The following ABCA13 variants were observed in gnomAD, a reference collection of about 807,000 sequenced individuals.
ABCA13 encodes the protein ATP binding cassette subfamily A member 13.
ABCA13 carries 476 observed loss-of-function variants against 478.7 expected under a neutral mutation model. The ratio of observed to expected loss-of-function variants is 0.99; its 90% CI spans 0.92 to 1.07. The LOEUF (loss-of-function observed/expected upper bound fraction) is 1.07. Among genes scored for constraint, ABCA13 ranks in the 50% least tolerant of loss-of-function variants. ABCA13 has a pLI of 0.00. For synonymous variants in ABCA13, 2,252 were observed against 2,158.9 expected, an observed-to-expected ratio of 1.04 and a Z score of -1.20; for missense variants, 6,060 against 5,910.6, an observed-to-expected ratio of 1.03 and a Z score of -0.83.
intron 57 of ABCA13, among the ~76,000 whole-genome samples, chr7:48,589,236 A>G (rs1245838644): frequency 6.6e-6 from 1 of 152,204 alleles, no homozygotes. Context: ...AATTTATTTG[A>G]TGTTGCTAAA....
chr7:48,581,124 G>A (rs1302631744), intron 56 of ABCA13, among the ~76,000 whole-genome samples: 1 of 152,164 alleles, frequency 6.6e-6, no homozygotes, highest in East Asian at 1.9e-4. Context: ...AGTCTGGGGT[G>A]CGTGCTCCTC....
chr7:48,281,162 G>A (rs1469204913), intron 18 of ABCA13, among the ~76,000 whole-genome samples, 181 bp from the exon 19 acceptor site: 2 of 152,176 alleles, frequency 1.3e-5, no homozygotes, highest in African/African-American at 2.4e-5. Flanking sequence ...GAGACCTAAA[G>A]TTTTCTAAAG....
At chr7:48,285,105 A>G (rs578121920) in intron 19 of ABCA13, among the ~76,000 whole-genome samples, 2 of 152,256 alleles carry the variant, frequency 1.3e-5, no homozygotes, top group South Asian at 4.2e-4. Context: ...CAGCTACTTT[A>G]ATCTTCCAGT....
intron 42 of ABCA13, among the ~76,000 whole-genome samples, chr7:48,453,690 C>T (rs548687735): frequency 6.6e-6 from 1 of 152,188 alleles, no homozygotes; most frequent in Non-Finnish European, 1.5e-5. Flanking sequence ...TCTACCTGAA[C>T]GTCCGGGCCG....
At chr7:48,244,917 G>A (rs1025375731) in intron 11 of ABCA13, among the ~76,000 whole-genome samples, 5 of 152,164 alleles carry the variant, frequency 3.3e-5, no homozygotes, top group African/African-American at 7.2e-5. Flanking sequence ...AGTGAAGAGC[G>A]CATCCTTCTG....
At chr7:48,372,112 G>T in intron 32 of ABCA13, 56 bp from the exon 33 acceptor site, 2 of 1,485,628 alleles carry the variant, frequency 1.3e-6, no homozygotes, top group Non-Finnish European at 9.1e-7. Flanking sequence ...CATCTGATTT[G>T]TTCTTCCTCA....
At chr7:48,430,623 G>A (rs958749245) in intron 42 of ABCA13, among the ~76,000 whole-genome samples, 5 of 146,542 alleles carry the variant, frequency 3.4e-5, no homozygotes, top group Non-Finnish European at 5.9e-5. Flanking sequence ...GCAGTGAGCT[G>A]AGATTGTGCC....
At position 48,374,372 on chromosome 7, in the gene ABCA13, G is replaced by A. The variant is rs751997738; in HGVS notation, c.11159G>A (p.Gly3720Glu). 3.1e-6 allele frequency: 5 copies of A among 1,610,488 alleles called. No individual in the cohort carries two copies. The highest frequency in any genetic ancestry group is 4.2e-6 in the Non-Finnish European group (5 of 1,178,600). Reference sequence around the variant, plus strand: ...TGCCTTCTTTCGACAACCGCCTTTGGACAAGGGGTATTTTTTATTACATTC... The same window carrying A: ...TGCCTTCTTTCGACAACCGCCTTTGAACAAGGGGTATTTTTTATTACATTC... Reference protein sequence around the residue: ...FLCLLSTTAFGQGVFFITFLE... With the variant: ...FLCLLSTTAFEQGVFFITFLE... The change falls in exon 34 of 62, where the codon GGA (glycine) becomes GAA (glutamate). Residue 3720 changes from glycine (G) to glutamate (E), a missense_variant. Physicochemically the swap from Gly to Glu is moderately conservative, Grantham distance 98. Coordinates refer to ENST00000435803, the MANE Select transcript of ABCA13 (RefSeq NM_152701.5).
At position 48,616,456 on chromosome 7, in the gene ABCA13, A is replaced by T. The variant is rs947540953; in HGVS notation, c.14837+1079A>T. On this transcript the variant is annotated intron_variant, in intron 59 of 61. Coordinates refer to ENST00000435803, the MANE Select transcript of ABCA13 (RefSeq NM_152701.5). Reference sequence around the variant, plus strand: ...ATGAATGCCTACATAAAGTTTTATAACCCATTCTTGATTGTTGGGTGATTT... The same window carrying T: ...ATGAATGCCTACATAAAGTTTTATATCCCATTCTTGATTGTTGGGTGATTT... Among the ~76,000 whole-genome samples the T allele has an allele frequency of 3.1e-4, 47 of 152,140 alleles. 1 individual carries two copies.
chr7:48,408,691 A>AT (rs1309173199), intron 39 of ABCA13, among the ~76,000 whole-genome samples: 1 of 151,364 alleles, frequency 6.6e-6, no homozygotes, highest in South Asian at 2.1e-4. Context: ...TATTGTTTTG[A>AT]TTTTTTTACT....
chr7:48,489,058 A>G (rs1427091061), intron 47 of ABCA13, among the ~76,000 whole-genome samples, 178 bp from the exon 48 acceptor site: 4 of 152,216 alleles, frequency 2.6e-5, no homozygotes, highest in Admixed American at 2.6e-4. Flanking sequence ...ATAAATATAA[A>G]ATTAGCAGAC....
chr7:48,371,849 G>A (rs1812681243), intron 32 of ABCA13, among the ~76,000 whole-genome samples: 1 of 152,192 alleles, frequency 6.6e-6, no homozygotes, highest in East Asian at 1.9e-4. Context: ...GTGAGAGAGG[G>A]CATCCTTGTC....
intron 55 of ABCA13, among the ~76,000 whole-genome samples, chr7:48,577,412 A>T (rs59997875): frequency 0.034 from 5,198 of 152,114 alleles, 307 homozygotes; most frequent in African/African-American, 0.12. Flanking sequence ...TATCCTTACT[A>T]CTCTCATGAA....
chr7:48,386,967 G>A (rs2129050385), intron 35 of ABCA13, among the ~76,000 whole-genome samples: 1 of 152,288 alleles, frequency 6.6e-6, no homozygotes, highest in Admixed American at 6.5e-5. Context: ...TGTAGAATTG[G>A]AGGAAAATTT....
chr7:48,204,566 G>T (rs545113296), intron 3 of ABCA13, among the ~76,000 whole-genome samples: 2 of 152,070 alleles, frequency 1.3e-5, no homozygotes, highest in African/African-American at 2.4e-5. Context: ...CATTAGATTC[G>T]CCAGGGAGAA....
At chr7:48,462,160 G>T (rs920853649) in intron 43 of ABCA13, among the ~76,000 whole-genome samples, 4 of 152,120 alleles carry the variant, frequency 2.6e-5, no homozygotes, top group African/African-American at 9.7e-5. Context: ...GTGAGTAAAT[G>T]TGAAAAGTAA....
At chr7:48,493,779 A>G (rs919036148) in intron 48 of ABCA13, among the ~76,000 whole-genome samples, 3 of 152,212 alleles carry the variant, frequency 2.0e-5, no homozygotes, top group African/African-American at 7.2e-5. Flanking sequence ...TTGCTTATCC[A>G]AAGATTCTGA....
At chr7:48,324,889 A>C (rs2128918094) in intron 27 of ABCA13, among the ~76,000 whole-genome samples, 1 of 152,336 alleles carries the variant, frequency 6.6e-6, no homozygotes, top group South Asian at 2.1e-4. Context: ...AAGCTTGTTA[A>C]GCTGCATTTA....
intron 52 of ABCA13, among the ~76,000 whole-genome samples, chr7:48,519,003 C>T (rs1318022279): frequency 6.6e-6 from 1 of 151,986 alleles, no homozygotes; most frequent in Non-Finnish European, 1.5e-5. Flanking sequence ...TGTGTTGTTC[C>T]TGTCCTTGTG....
Sources: allele counts gnomAD v4.1 joint callset (sites outside exome capture counted in the v4.1 genomes callset), GRCh38; gene constraint gnomAD v4.1.1; transcripts MANE v1.5; gene names NCBI Gene and HGNC (gene_info 2026-07-23, HGNC 2026-07-21).